PRKN: variants seen among roughly 807,000 people sequenced by gnomAD.
The protein encoded by PRKN is parkin RBR E3 ubiquitin protein ligase.
Under a neutral mutation model 59.5 loss-of-function variants are expected in PRKN, and 56 were observed. The observed-to-expected ratio is 0.94, with a 90% CI of 0.76 to 1.18. The LOEUF (loss-of-function observed/expected upper bound fraction) is 1.18, where lower values mean the gene tolerates loss of function less well. Among genes scored for constraint, PRKN ranks in the 50% most tolerant of loss-of-function variants. The probability of loss-of-function intolerance (pLI) is 0.00; values close to 1 mark genes in which losing one functional copy is unlikely to be tolerated. For synonymous variants in PRKN, 250 were observed against 222.1 expected, an observed-to-expected ratio of 1.13 and a Z score of -1.12; for missense variants, 657 against 596.4, an observed-to-expected ratio of 1.10 and a Z score of -1.06.
At chr6:162,192,017 G>A (rs780054108) in intron 4 of PRKN, among the ~76,000 whole-genome samples, 5 of 152,108 alleles carry the variant, frequency 3.3e-5, no homozygotes, top group Admixed American at 6.5e-5. Flanking sequence ...TAACTACAAC[G>A]TAAAATGAAA....
chr6:161,400,923 T>C lies in PRKN; in HGVS notation c.1084-14046A>G, dbSNP rs1403424902. On this transcript the variant is annotated intron_variant, in intron 9 of 11. Transcript: ENST00000366898. This position sits in a 1 kb window ranked among gnomAD's most constrained non-coding sequence, Gnocchi z 4.2. ...GTCTGATTTACTTGTTTGCACACTT[T>C]GTCAAATCTTGGACCAGGGACAGAT... 6.6e-6 allele frequency among the ~76,000 whole-genome samples: 1 copy of C among 152,204 alleles called. No homozygotes were observed. Among genetic ancestry groups the C allele is most frequent in the African/African-American group, 2.4e-5 (1 of 41,454 alleles).
intron 6 of PRKN, among the ~76,000 whole-genome samples, chr6:161,968,187 ATTTTTTTTTTT>A (rs530441181): frequency 7.8e-6 from 1 of 128,000 alleles, no homozygotes; most frequent in Non-Finnish European, 1.6e-5. Context: ...TGCCTGGCTA[ATTTTTTTTTTT>A]TTTTTTTTTT....
At chr6:162,302,455 C>G (rs1037906327) in intron 2 of PRKN, among the ~76,000 whole-genome samples, 4 of 152,110 alleles carry the variant, frequency 2.6e-5, no homozygotes, top group Non-Finnish European at 5.9e-5. Context: ...AGAAATTCAA[C>G]AAGAAACAGA....
intron 6 of PRKN, among the ~76,000 whole-genome samples, chr6:161,881,639 C>A (rs1365387133): frequency 6.6e-6 from 1 of 152,194 alleles, no homozygotes; most frequent in Non-Finnish European, 1.5e-5. Flanking sequence ...ACTTAATCGT[C>A]TCTAAGAAAA....
intron 2 of PRKN, among the ~76,000 whole-genome samples, chr6:162,440,574 C>T (rs1205468286): frequency 6.6e-6 from 1 of 152,048 alleles, no homozygotes; most frequent in Non-Finnish European, 1.5e-5. Flanking sequence ...CTCACAATAT[C>T]TCATTTTGCA....
chr6:162,541,115 G>A (rs576131021), intron 1 of PRKN, among the ~76,000 whole-genome samples: 74 of 152,238 alleles, frequency 4.9e-4, no homozygotes, highest in Non-Finnish European at 8.8e-4. Flanking sequence ...TTTCAAACAC[G>A]GAGTCCCTCC....
chr6:162,049,475 T>A (rs574368371), intron 5 of PRKN, among the ~76,000 whole-genome samples: 1 of 152,278 alleles, frequency 6.6e-6, no homozygotes, highest in South Asian at 2.1e-4. Context: ...TGGTTAGTGC[T>A]CAAACCTTCA....
chr6:161,727,795 T>G (rs908616042), intron 7 of PRKN, among the ~76,000 whole-genome samples: 10 of 152,198 alleles, frequency 6.6e-5, no homozygotes, highest in Non-Finnish European at 1.2e-4. Context: ...ACTATGCAAC[T>G]TACAAAAAGG....
chr6:161,572,038 T>C lies in PRKN; in HGVS notation c.872-2622A>G, dbSNP rs538471822. 2.4e-4 allele frequency among the ~76,000 whole-genome samples: 37 copies of C among 152,282 alleles called. 1 individual carries two copies. In the East Asian group the frequency reaches 2.9e-3, roughly 12 times the overall value. Reference sequence around the variant, plus strand: ...CCAAAGGCTTTCCTGGTTTTCCAGCTTGCAGATGGCAGATTGCAGGACTGC... The same window carrying C: ...CCAAAGGCTTTCCTGGTTTTCCAGCCTGCAGATGGCAGATTGCAGGACTGC... On this transcript the variant is annotated intron_variant, in intron 7 of 11. Coordinates refer to ENST00000366898, the MANE Select transcript of PRKN (RefSeq NM_004562.3).
intron 7 of PRKN, among the ~76,000 whole-genome samples, chr6:161,658,030 A>AAAAAAAAAAAT (rs781518268): frequency 1.9e-5 from 2 of 104,902 alleles, no homozygotes; most frequent in Non-Finnish European, 3.8e-5. Context: ...AAAAAAAAAA[A>AAAAAAAAAAAT]AAAAGAAAAG....
At chr6:162,346,407 G>C (rs572864624) in intron 2 of PRKN, among the ~76,000 whole-genome samples, 1 of 150,980 alleles carries the variant, frequency 6.6e-6, no homozygotes, top group Non-Finnish European at 1.5e-5. Flanking sequence ...CTTGTGCCCA[G>C]GAGTTCGAGA....
chr6:161,878,584 A>G (rs1007340397), intron 6 of PRKN, among the ~76,000 whole-genome samples: 2 of 152,206 alleles, frequency 1.3e-5, no homozygotes, highest in South Asian at 2.1e-4. Flanking sequence ...GCCATTACGA[A>G]ATGAAAATGC....
In PRKN at chr6:161,388,738, T is replaced by G. The variant is rs1389538331; in HGVS notation, c.1084-1861A>C. ...GGGACACTTGCTCTTGAAGCCCAGCTGCCATATGGTAAGGAAGCTCAACAG... is the reference window on the plus strand; with the variant it reads ...GGGACACTTGCTCTTGAAGCCCAGCGGCCATATGGTAAGGAAGCTCAACAG... On this transcript the variant is annotated intron_variant, in intron 9 of 11. Transcript: ENST00000366898. The surrounding 1 kb of genome is among the most constrained non-coding windows in gnomAD (Gnocchi z 4.3). Among the ~76,000 whole-genome samples, 7 of 152,212 alleles carry G rather than the reference T, an allele frequency of 4.6e-5. No individual in the cohort carries two copies. Among genetic ancestry groups the G allele is most frequent in the African/African-American group, 1.7e-4 (7 of 41,450 alleles).
intron 3 of PRKN, among the ~76,000 whole-genome samples, chr6:162,248,883 A>T (rs995931620): frequency 5.5e-5 from 8 of 144,464 alleles, no homozygotes; most frequent in African/African-American, 1.8e-4. Context: ...TTTGTATATA[A>T]TTTTTTTTTT....
At chr6:162,566,413 A>G (rs1780081741) in intron 1 of PRKN, among the ~76,000 whole-genome samples, 1 of 152,164 alleles carries the variant, frequency 6.6e-6, no homozygotes, top group Non-Finnish European at 1.5e-5. Context: ...AAAAAAAGAG[A>G]GAAGATCCAA....
chr6:162,023,980 C>CT (rs71544923), intron 5 of PRKN, among the ~76,000 whole-genome samples: 5,020 of 152,082 alleles, frequency 0.033, 100 homozygotes, highest in Non-Finnish European at 0.05. Flanking sequence ...TATTTGGACT[C>CT]TTTTTTGGTT....
intron 1 of PRKN, among the ~76,000 whole-genome samples, chr6:162,581,348 T>C (rs1780782479): frequency 6.6e-6 from 1 of 152,220 alleles, no homozygotes; most frequent in East Asian, 1.9e-4. Context: ...AAAGTGGAAA[T>C]GAATATTAAA....
intron 2 of PRKN, among the ~76,000 whole-genome samples, chr6:162,304,102 A>G (rs1782098692): frequency 7.2e-6 from 1 of 138,826 alleles, no homozygotes; most frequent in African/African-American, 2.7e-5. Flanking sequence ...AAGAAATAGA[A>G]GTAATCCAAG....
intron 9 of PRKN, among the ~76,000 whole-genome samples, chr6:161,450,279 A>C (rs1288886621): frequency 6.6e-6 from 1 of 152,198 alleles, no homozygotes; most frequent in African/African-American, 2.4e-5. Flanking sequence ...CCCCTGCTGC[A>C]GCATTCTTGA....
Sources: allele counts gnomAD v4.1 joint callset (sites outside exome capture counted in the v4.1 genomes callset), GRCh38; gene constraint gnomAD v4.1.1; non-coding constraint Gnocchi (gnomAD v3.1); transcripts MANE v1.5; gene names NCBI Gene and HGNC (gene_info 2026-07-23, HGNC 2026-07-21).